Variants in PCDH1 observed in about 807,000 individuals in gnomAD.
PCDH1 encodes protocadherin-1.
A neutral mutation model predicts 74.6 loss-of-function variants in PCDH1; 23 were observed. The ratio of observed to expected loss-of-function variants is 0.31; its 90% confidence interval spans 0.22 to 0.44. PCDH1 has a LOEUF of 0.44. PCDH1 is among the 20% of genes least tolerant of loss of function. The pLI, the probability that PCDH1 is intolerant of heterozygous loss-of-function variation, is 1.00. For synonymous variants in PCDH1, 647 were observed against 686.1 expected (o/e 0.94, Z 0.89); for missense variants, 1,214 against 1,641.4 (o/e 0.74, Z 4.50).
chr5:141,854,597 T>C (rs1258294224), intron 4 of PCDH1, among the ~76,000 whole-genome samples, 161 bp from the exon 5 acceptor site: 1 of 152,018 alleles, frequency 6.6e-6, no homozygotes, highest in African/African-American at 2.4e-5. Flanking sequence ...AAGAGACACA[T>C]GCCCTCCCAC....
intron 1 of PCDH1, among the ~76,000 whole-genome samples, chr5:141,874,658 C>A (rs557854211): frequency 6.6e-6 from 1 of 152,176 alleles, no homozygotes; most frequent in Non-Finnish European, 1.5e-5. Context: ...ACTTCACTTC[C>A]AGCCCACCCC....
intron 1 of PCDH1, among the ~76,000 whole-genome samples, chr5:141,871,321 A>G (rs907721197): frequency 6.6e-6 from 1 of 152,244 alleles, no homozygotes; most frequent in Non-Finnish European, 1.5e-5. Flanking sequence ...AGAAGTAAAC[A>G]AGACTGGTCC....
At position 141,868,415 on chromosome 5, in the gene PCDH1, G is replaced by T; in HGVS notation, c.903+154C>A. The T allele has an allele frequency of 2.1e-6, 3 of 1,402,160 alleles. No individual in the cohort carries two copies. Among genetic ancestry groups the T allele is most frequent in the Non-Finnish European group, 2.8e-6 (3 of 1,082,850 alleles). The allele number at this position is 1,402,160 out of a possible 1,614,324, so 86.9% of individuals were successfully genotyped here. A position where few individuals can be genotyped will look rare whatever the true frequency, so the allele number is the denominator to read the frequency against. On this transcript the variant is annotated intron_variant, in intron 2 of 4. Coordinates refer to ENST00000287008, the MANE Select transcript of PCDH1 (RefSeq NM_032420.5). The surrounding 1 kb of genome is among the most constrained non-coding windows in gnomAD (Gnocchi z 4.8). ...TAATATCACCTGCTGGGGTGGGGTG[G>T]GAAAGACTCCCCTGGCTGAGTTTGG...
rs1444490464 is a variant in PCDH1 at position 141,863,886 on chromosome 5, A to C, written c.2445T>G (p.Thr815=). 2 of 1,614,036 alleles carry C rather than the reference A, an allele frequency of 1.2e-6. No homozygotes were observed. The highest frequency in any genetic ancestry group is 8.5e-7 in the Non-Finnish European group (1 of 1,180,026). The change falls in exon 3 of 5, where the codon ACT becomes ACG. Residue 815 remains threonine (T), a synonymous_variant. Transcript: ENST00000287008. The surrounding 1 kb of genome is among the most constrained non-coding windows in gnomAD (Gnocchi z 7.5). ...TCTCCAGCAGCGTGCGGTTGGCCAG[A>C]GTCTCATTGACATAAAGATGGACCA... ...TALVHLYVNE[T]LANRTLLETL...
chr5:141,865,491 G>A lies in PCDH1; in HGVS notation c.904-64C>T. 2.6e-6 allele frequency: 4 copies of A among 1,530,702 alleles called. No homozygotes were observed. The highest frequency in any genetic ancestry group is 2.7e-6 in the Non-Finnish European group (3 of 1,131,352). 94.8% of individuals were successfully genotyped at this position (1,530,702 alleles called of 1,614,324 possible). A position where few individuals can be genotyped will look rare whatever the true frequency, so the allele number is the denominator to read the frequency against. Reference sequence around the variant, plus strand: ...GTTTAGATCAGGGATAGCAAATAAAGGGGCACACATGCTGCCAATGTCCTT... The same window carrying A: ...GTTTAGATCAGGGATAGCAAATAAAAGGGCACACATGCTGCCAATGTCCTT... On this transcript the variant is annotated intron_variant, in intron 2 of 4. Transcript: ENST00000287008. This position sits in a 1 kb window ranked among gnomAD's most constrained non-coding sequence, Gnocchi z 4.4.
At chr5:141,854,774 C>G (rs1363301542) in intron 4 of PCDH1, among the ~76,000 whole-genome samples, 1 of 151,976 alleles carries the variant, frequency 6.6e-6, no homozygotes, top group African/African-American at 2.4e-5. Context: ...CGGGTTCAAG[C>G]AATTCTTTTG....
In PCDH1 at chr5:141,853,846, G is replaced by A; in HGVS notation, c.*196C>T. 2.3e-6 allele frequency: 1 copy of A among 437,752 alleles called. No individual in the cohort carries two copies. 27.1% of individuals were successfully genotyped at this position (437,752 alleles called of 1,614,324 possible). ...AAGGGGAAGGGGCCCCTGGGGGCTG[G>A]GAGATGGAAATGAGGGGAGAGGACC... On this transcript the variant is annotated 3_prime_UTR_variant, in exon 5 of 5. Coordinates refer to ENST00000287008, the MANE Select transcript of PCDH1 (RefSeq NM_032420.5).
intron 1 of PCDH1, among the ~76,000 whole-genome samples, chr5:141,875,414 TCTCTGCACCAACTATCCTTG>T (rs1008547320): frequency 6.6e-6 from 1 of 152,066 alleles, no homozygotes; most frequent in African/African-American, 2.4e-5. Flanking sequence ...TTGAACAGAA[TCTCTGCACCAACTATCCTTG>T]CTCACGGCAG....
chr5:141,865,283 G>T lies in PCDH1; in HGVS notation c.1048C>A (p.Leu350Ile), dbSNP rs1752771670. The T allele has an allele frequency of 6.2e-7, 1 of 1,614,082 alleles. No homozygotes were observed. The highest frequency in any genetic ancestry group is 8.5e-7 in the Non-Finnish European group (1 of 1,180,048). The change falls in exon 3 of 5, where the codon CTA becomes ATA. Residue 350 changes from leucine to isoleucine, a missense_variant. By Grantham distance (5) the Leu-to-Ile change is conservative (BLOSUM62 2). Coordinates refer to ENST00000287008, the MANE Select transcript of PCDH1 (RefSeq NM_032420.5). The surrounding 1 kb of genome is among the most constrained non-coding windows in gnomAD (Gnocchi z 4.4). ...AGCACTGAGAAGCGCAGGGTGCTTA[G>T]GTCCTCACGGTCCACCGGGCCCTGA... Reference protein sequence around the residue: ...TVQGPVDREDLSTLRFSVLAK... With the variant: ...TVQGPVDREDISTLRFSVLAK...
intron 1 of PCDH1, among the ~76,000 whole-genome samples, chr5:141,874,815 C>CACCAAGGGACAAACGGACT (rs754608897): frequency 2.0e-4 from 31 of 152,202 alleles, no homozygotes; most frequent in Non-Finnish European, 3.8e-4. Flanking sequence ...GGGCACAAAA[C>CACCAAGGGACAAACGGACT]ACCAAGGGAC....
chr5:141,878,392 T>G lies in PCDH1; in HGVS notation c.-130A>C, dbSNP rs1229742236. On this transcript the variant is annotated 5_prime_UTR_variant, in exon 1 of 5. Transcript: ENST00000287008. This position sits in a 1 kb window ranked among gnomAD's most constrained non-coding sequence, Gnocchi z 5.5. ...CGGCGGCTTTGCGTCCGCGCCGCGC[T>G]CCCGCTCCCCGAGTGTGTGAGGCGG... 1.1e-5 allele frequency: 7 copies of G among 612,878 alleles called. No homozygotes were observed. Among genetic ancestry groups the G allele is most frequent in the African/African-American group, 8.0e-5 (4 of 49,870 alleles). The allele number at this position is 612,878 out of a possible 1,614,324, so 38.0% of individuals were successfully genotyped here.
chr5:141,872,128 A>ACCCCCCCCCCCCC (rs57726943), intron 1 of PCDH1, among the ~76,000 whole-genome samples: 1 of 73,300 alleles, frequency 1.4e-5, no homozygotes, highest in African/African-American at 4.7e-5. Flanking sequence ...TCCACCCCCC[A>ACCCCCCCCCCCCC]CCCCCCCCCT....
At chr5:141,856,205 C>T in intron 4 of PCDH1, 1 of 1,535,476 alleles carries the variant, frequency 6.5e-7, no homozygotes, top group Non-Finnish European at 8.7e-7. Flanking sequence ...CCCCAGACCC[C>T]AGAGCAGTTC....
At chr5:141,870,206 G>A (rs1753053064) in intron 1 of PCDH1, among the ~76,000 whole-genome samples, 1 of 152,170 alleles carries the variant, frequency 6.6e-6, no homozygotes, top group Admixed American at 6.5e-5. Context: ...TAGCCTTCCC[G>A]ACTTTCCCCC....
In PCDH1 at chr5:141,865,932, A is replaced by G; in HGVS notation, c.904-505T>C. The stretch of plus-strand genomic sequence containing the variant: ...TGATTGTGTCAGAATGTGTGATTAA[A>G]TGTGATATGTTTGTGTGAGAAGGTA... On this transcript the variant is annotated intron_variant, in intron 2 of 4. Coordinates refer to ENST00000287008, the MANE Select transcript of PCDH1 (RefSeq NM_032420.5). The surrounding 1 kb of genome is among the most constrained non-coding windows in gnomAD (Gnocchi z 4.4). The G allele has an allele frequency of 1.9e-6, 1 of 535,498 alleles. No homozygotes were observed. The highest frequency in any genetic ancestry group is 2.4e-6 in the Non-Finnish European group (1 of 410,556). 33.2% of individuals were successfully genotyped at this position (535,498 alleles called of 1,614,324 possible).
intron 3 of PCDH1, 129 bp from the exon 4 acceptor site, chr5:141,857,600 C>T (rs992506717): frequency 1.2e-5 from 8 of 688,850 alleles, no homozygotes; most frequent in Non-Finnish European, 1.7e-5. Flanking sequence ...GAGACCCAGG[C>T]CCCAGCACAG....
Position 141,868,907 on chromosome 5 carries a change from T to A in PCDH1, c.565A>T (p.Ile189Phe). 6.2e-7 allele frequency: 1 copy of A among 1,614,168 alleles called. No individual in the cohort carries two copies. The highest frequency in any genetic ancestry group is 8.5e-7 in the Non-Finnish European group (1 of 1,180,026). The change falls in exon 2 of 5, where the codon ATC becomes TTC. Residue 189 changes from isoleucine to phenylalanine, a missense_variant. By Grantham distance (21) the Ile-to-Phe change is conservative. Coordinates refer to ENST00000287008, the MANE Select transcript of PCDH1 (RefSeq NM_032420.5). This position sits in a 1 kb window ranked among gnomAD's most constrained non-coding sequence, Gnocchi z 4.8. ...GCATCACGGTCTGAAGCCAGCGGGA[T>A]GGGGAAGAGTGAGCCGATGTTGGTG... The part of the protein sequence containing the change: ...ENTNIGSLFP[I>F]PLASDRDAGP...
At chr5:141,856,198 C>T in intron 4 of PCDH1, 1 of 1,535,298 alleles carries the variant, frequency 6.5e-7, no homozygotes, top group Non-Finnish European at 8.7e-7. Context: ...CCACAGACCC[C>T]AGACCCCAGA....
In PCDH1 at chr5:141,854,015, A is replaced by C; in HGVS notation, c.*27T>G. 2 of 1,465,674 alleles carry C rather than the reference A, an allele frequency of 1.4e-6. No individual in the cohort carries two copies. Among genetic ancestry groups the C allele is most frequent in the Non-Finnish European group, 1.8e-6 (2 of 1,104,872 alleles). The allele number at this position is 1,465,674 out of a possible 1,614,324, so 90.8% of individuals were successfully genotyped here. On this transcript the variant is annotated 3_prime_UTR_variant, in exon 5 of 5. Coordinates refer to ENST00000287008, the MANE Select transcript of PCDH1 (RefSeq NM_032420.5). ...TTGGGAGCTGGCCGGCGGCTGGGGG[A>C]GGGGGGCCGGCCGGCCAGTAGGGGG... is the stretch of plus-strand genomic sequence containing the variant.
Sources: allele counts gnomAD v4.1 joint callset (sites outside exome capture counted in the v4.1 genomes callset), GRCh38; gene constraint gnomAD v4.1.1; non-coding constraint Gnocchi (gnomAD v3.1); transcripts MANE v1.5; gene names NCBI Gene and HGNC (gene_info 2026-07-23, HGNC 2026-07-21).